Variants in GOLT1A observed in about 807,000 individuals in gnomAD.
The protein encoded by GOLT1A is vesicle transport protein GOT1A.
A neutral mutation model predicts 16.1 loss-of-function variants in GOLT1A; 10 were observed. That is an observed-to-expected ratio of 0.62 (90% CI 0.38 to 1.05). The LOEUF is 1.05. GOLT1A is among the 50% of genes least tolerant of loss of function. The pLI is 0.01. For synonymous variants in GOLT1A, 60 were observed against 67.9 expected, an observed-to-expected ratio of 0.88 and a Z score of 0.57; for missense variants, 137 against 165.7, an observed-to-expected ratio of 0.83 and a Z score of 0.95.
At chr1:204,199,850 C>T (rs887014908) in intron 3 of GOLT1A, among the ~76,000 whole-genome samples, 1 of 152,154 alleles carries the variant, frequency 6.6e-6, no homozygotes, top group African/African-American at 2.4e-5. Flanking sequence ...CATGCGTGAC[C>T]CCTCACAGGG....
intron 1 of GOLT1A, among the ~76,000 whole-genome samples, chr1:204,210,490 A>C (rs1285500766): frequency 6.6e-6 from 1 of 152,218 alleles, no homozygotes; most frequent in East Asian, 1.9e-4. Flanking sequence ...TGGCACAATC[A>C]TAGCTCACTG....
At chr1:204,212,801 T>A (rs766736220) in intron 1 of GOLT1A, among the ~76,000 whole-genome samples, 9 of 152,178 alleles carry the variant, frequency 5.9e-5, no homozygotes, top group Non-Finnish European at 1.2e-4. Context: ...AAGTCTCCAG[T>A]GTCCTGACCC....
chr1:204,199,031 C>T (rs182073445), intron 4 of GOLT1A, 164 bp downstream of exon 4: 12 of 619,370 alleles, frequency 1.9e-5, no homozygotes, highest in East Asian at 2.8e-5. Context: ...GGAGAAGGTG[C>T]GGGGGGAAGA....
At chr1:204,208,504 A>T (rs1261902059) in intron 1 of GOLT1A, among the ~76,000 whole-genome samples, 361 of 62,448 alleles carry the variant, frequency 5.8e-3, no homozygotes, top group Non-Finnish European at 8.5e-3. Flanking sequence ...ATATATATAA[A>T]AAATGAACTA....
At chr1:204,199,643 C>T (rs1156387467) in intron 3 of GOLT1A, among the ~76,000 whole-genome samples, 1 of 152,190 alleles carries the variant, frequency 6.6e-6, no homozygotes, top group African/African-American at 2.4e-5. Flanking sequence ...GATTATGACT[C>T]TTCTGGCCTA....
chr1:204,198,816 C>A, intron 4 of GOLT1A: 2 of 486,616 alleles, frequency 4.1e-6, no homozygotes, highest in Non-Finnish European at 7.3e-6. Context: ...CTGTCATCAG[C>A]TGTCATACAT....
intron 1 of GOLT1A, among the ~76,000 whole-genome samples, chr1:204,208,827 C>T (rs187702654): frequency 4.6e-5 from 7 of 152,134 alleles, no homozygotes; most frequent in Non-Finnish European, 1.0e-4. Flanking sequence ...TAACCAACCA[C>T]CTGTTCCCCA....
chr1:204,198,967 A>T (rs891508715), intron 4 of GOLT1A: 2 of 567,030 alleles, frequency 3.5e-6, no homozygotes, highest in Admixed American at 3.0e-5. Context: ...CTCTACAGCC[A>T]CACTCAGCTA....
At chr1:204,200,418 C>T (rs968793036) in intron 3 of GOLT1A, among the ~76,000 whole-genome samples, 13 of 149,448 alleles carry the variant, frequency 8.7e-5, no homozygotes, top group African/African-American at 3.2e-4. Context: ...TCGCCCCCTG[C>T]GTTTAAGCAA....
At chr1:204,206,755 T>C (rs4520474) in intron 1 of GOLT1A, among the ~76,000 whole-genome samples, 44,499 of 152,264 alleles carry the variant, frequency 0.29, 9,562 homozygotes, top group African/African-American at 0.61. Context: ...ATGTTCATCC[T>C]GCACACACTT....
At chr1:204,213,700 C>A (rs1182239574) in intron 1 of GOLT1A, among the ~76,000 whole-genome samples, 182 bp downstream of exon 1, 7 of 152,214 alleles carry the variant, frequency 4.6e-5, no homozygotes, top group Admixed American at 4.6e-4. Flanking sequence ...AACTCCCACC[C>A]GCTGGAGGGT....
chr1:204,203,696 G>A (rs1294896981), intron 1 of GOLT1A, among the ~76,000 whole-genome samples: 1 of 152,112 alleles, frequency 6.6e-6, no homozygotes, highest in East Asian at 1.9e-4. Context: ...GGCACCTTGC[G>A]GGCCCCCCAC....
intron 3 of GOLT1A, among the ~76,000 whole-genome samples, chr1:204,199,924 T>A (rs1030753733): frequency 2.0e-5 from 3 of 152,300 alleles, no homozygotes; most frequent in Non-Finnish European, 4.4e-5. Flanking sequence ...AAGGGAGATT[T>A]GAAATATGGA....
intron 1 of GOLT1A, among the ~76,000 whole-genome samples, chr1:204,210,469 C>A (rs1227741180): frequency 1.3e-5 from 2 of 152,204 alleles, no homozygotes; most frequent in East Asian, 3.9e-4. Flanking sequence ...GTTGCCTAGG[C>A]TGGAGTGCAA....
chr1:204,201,880 G>A, intron 2 of GOLT1A, 69 bp from the exon 3 acceptor site: 1 of 1,450,080 alleles, frequency 6.9e-7, no homozygotes, highest in African/African-American at 1.4e-5. Flanking sequence ...CTTAGGCCTG[G>A]AGCCAGGCGG....
intron 1 of GOLT1A, among the ~76,000 whole-genome samples, chr1:204,209,808 A>C (rs1247890999): frequency 6.6e-6 from 1 of 152,136 alleles, no homozygotes; most frequent in Non-Finnish European, 1.5e-5. Context: ...TAATCCCAAC[A>C]CTTTGGGACG....
Position 204,201,813 on chromosome 1 carries a change from T to C in GOLT1A, c.118-2A>G. ...GGACAGGCCCGTCAGGAACAGCAGCTGTAGGGGAGGGAGGGGAGCATGAAG... is the reference window on the plus strand; with the variant it reads ...GGACAGGCCCGTCAGGAACAGCAGCCGTAGGGGAGGGAGGGGAGCATGAAG... On this transcript the variant is annotated splice_acceptor_variant, in intron 2 of 4. Coordinates refer to ENST00000308302, the MANE Select transcript of GOLT1A (RefSeq NM_198447.2). LOFTEE classifies it high-confidence loss of function. 1 of 1,613,612 alleles carries C rather than the reference T, an allele frequency of 6.2e-7. No individual in the cohort carries two copies. The highest frequency in any genetic ancestry group is 8.5e-7 in the Non-Finnish European group (1 of 1,179,750).
chr1:204,208,478 A>ATATATGTGTG (rs1557987373), intron 1 of GOLT1A, among the ~76,000 whole-genome samples: 12 of 47,060 alleles, frequency 2.5e-4, no homozygotes, highest in African/African-American at 9.2e-4. Flanking sequence ...GTGTGTGTGT[A>ATATATGTGTG]TATATATATA....
In GOLT1A at chr1:204,208,493, T is replaced by C. The variant is rs1375405290; in HGVS notation, c.25+5389A>G. Among the ~76,000 whole-genome samples, 4 of 90,132 alleles carry C rather than the reference T, an allele frequency of 4.4e-5. 1 individual carries two copies. In the East Asian group the frequency reaches 1.2e-3, roughly 27 times the overall value. The allele number at this position is 90,132 out of a possible 152,430, so 59.1% of individuals were successfully genotyped here. ...GTGTGTGTGTATATATATATATATA[T>C]ATATATATAAAAAATGAACTACTAC... On this transcript the variant is annotated intron_variant, in intron 1 of 4. Coordinates refer to ENST00000308302, the MANE Select transcript of GOLT1A (RefSeq NM_198447.2).
Sources: allele counts gnomAD v4.1 joint callset (sites outside exome capture counted in the v4.1 genomes callset), GRCh38; gene constraint gnomAD v4.1.1; transcripts MANE v1.5; gene names NCBI Gene and HGNC (gene_info 2026-07-23, HGNC 2026-07-21).